The following LDB2 variants were observed in gnomAD, a reference collection of about 807,000 sequenced individuals.
LDB2 encodes LIM domain binding 2.
A neutral mutation model predicts 44.3 loss-of-function variants in LDB2; 12 were observed. That is an observed-to-expected ratio of 0.27 (90% confidence interval 0.17 to 0.44). LDB2 has a LOEUF of 0.44. Among genes scored for constraint, LDB2 ranks in the 20% least tolerant of loss-of-function variants. The pLI is 1.00. For missense variants in LDB2, 344 were observed against 473.5 expected (o/e 0.73, Z 2.54); for synonymous variants, 164 against 174.8 (o/e 0.94, Z 0.49).
intron 5 of LDB2, among the ~76,000 whole-genome samples, chr4:16,559,643 A>T (rs571752064): frequency 1.3e-5 from 2 of 152,190 alleles, no homozygotes; most frequent in Non-Finnish European, 2.9e-5. Flanking sequence ...CACTGTCAAC[A>T]TTAGACAGAT....
chr4:16,719,034 T>A (rs568893723), intron 2 of LDB2, among the ~76,000 whole-genome samples: 1 of 150,138 alleles, frequency 6.7e-6, no homozygotes, highest in East Asian at 2.0e-4. Flanking sequence ...AATAGGCATA[T>A]AAGAAGAAAC....
chr4:16,880,533 T>C (rs1719748682), intron 1 of LDB2, among the ~76,000 whole-genome samples: 1 of 152,198 alleles, frequency 6.6e-6, no homozygotes, highest in Admixed American at 6.5e-5. Flanking sequence ...TGCATGGTGC[T>C]TATAGTTAGT....
intron 2 of LDB2, among the ~76,000 whole-genome samples, chr4:16,742,428 G>T (rs926134806): frequency 6.6e-6 from 1 of 152,112 alleles, no homozygotes; most frequent in Non-Finnish European, 1.5e-5. Flanking sequence ...ACTCCAGCTG[G>T]TTTAATGTGT....
At chr4:16,505,713 A>G (rs1394600240) in intron 7 of LDB2, 4 of 788,156 alleles carry the variant, frequency 5.1e-6, no homozygotes, top group Non-Finnish European at 7.7e-6. Context: ...GAGCCATCTG[A>G]GAGAGGTCCA....
chr4:16,820,852 CTT>C (rs1781820425), intron 1 of LDB2, among the ~76,000 whole-genome samples: 1 of 152,142 alleles, frequency 6.6e-6, no homozygotes, highest in Non-Finnish European at 1.5e-5. Flanking sequence ...TTTAAAGTCA[CTT>C]TAGGACAAAG....
At chr4:16,550,024 A>G (rs1737105048) in intron 5 of LDB2, among the ~76,000 whole-genome samples, 1 of 152,176 alleles carries the variant, frequency 6.6e-6, no homozygotes, top group Non-Finnish European at 1.5e-5. Flanking sequence ...TTTGGTACCA[A>G]TTGAGTCTTC....
At chr4:16,556,720 G>A (rs1739741275) in intron 5 of LDB2, among the ~76,000 whole-genome samples, 1 of 152,154 alleles carries the variant, frequency 6.6e-6, no homozygotes, top group Non-Finnish European at 1.5e-5. Context: ...CTGACTCCAT[G>A]TAAATAAATA....
chr4:16,541,140 C>T lies in LDB2; in HGVS notation c.616-29036G>A, dbSNP rs1273306115. ...ATGTGAAATGGTTTGGATATATGTC[C>T]CCACCAAATCTCATGTTTAATTATA... is the stretch of plus-strand genomic sequence containing the variant. On this transcript the variant is annotated intron_variant, in intron 5 of 7. Transcript: ENST00000304523. Among the ~76,000 whole-genome samples the T allele has an allele frequency of 3.9e-5, 6 of 152,148 alleles. No individual in the cohort carries two copies. In the East Asian group the frequency reaches 1.2e-3, roughly 30 times the overall value.
Position 16,759,272 on chromosome 4 carries a change from C to G in LDB2, c.133-12G>C, listed in dbSNP as rs1489722306. The G allele has an allele frequency of 6.4e-7, 1 of 1,567,158 alleles. No individual in the cohort carries two copies. Among genetic ancestry groups the G allele is most frequent in the Admixed American group, 1.7e-5 (1 of 59,768 alleles). ...AGGTTGTCACTATCCTGCAAAGAGA[C>G]AGATCATTTATTTAACAAGGGAAAG... is the stretch of plus-strand genomic sequence containing the variant. On this transcript the variant is annotated splice_polypyrimidine_tract_variant and intron_variant, in intron 1 of 7. Coordinates refer to ENST00000304523, the MANE Select transcript of LDB2 (RefSeq NM_001290.5).
intron 2 of LDB2, among the ~76,000 whole-genome samples, chr4:16,659,659 A>C (rs1180128642): frequency 1.5e-5 from 2 of 136,290 alleles, no homozygotes; most frequent in African/African-American, 5.3e-5. Flanking sequence ...ACATATGAGT[A>C]TATCTATGTG....
chr4:16,854,918 A>G (rs970458419), intron 1 of LDB2, among the ~76,000 whole-genome samples: 1 of 151,984 alleles, frequency 6.6e-6, no homozygotes, highest in Non-Finnish European at 1.5e-5. Context: ...CAAGATTCAG[A>G]AAAAGGGTAG....
At chr4:16,637,726 A>G (rs898083010) in intron 2 of LDB2, among the ~76,000 whole-genome samples, 1 of 152,198 alleles carries the variant, frequency 6.6e-6, no homozygotes, top group Admixed American at 6.5e-5. Context: ...TGTGGCAGGG[A>G]CAACAGCAGG....
At chr4:16,722,526 T>C (rs1758492883) in intron 2 of LDB2, among the ~76,000 whole-genome samples, 1 of 152,178 alleles carries the variant, frequency 6.6e-6, no homozygotes, top group Non-Finnish European at 1.5e-5. Flanking sequence ...GAAATTCCAT[T>C]TGAATACATT....
chr4:16,673,661 C>A lies in LDB2; in HGVS notation c.236-77786G>T, dbSNP rs181303706. 2.0e-5 allele frequency among the ~76,000 whole-genome samples: 3 copies of A among 152,226 alleles called. No individual in the cohort carries two copies. In the East Asian group the frequency reaches 5.8e-4, roughly 29 times the overall value. On this transcript the variant is annotated intron_variant, in intron 2 of 7. Coordinates refer to ENST00000304523, the MANE Select transcript of LDB2 (RefSeq NM_001290.5). The stretch of plus-strand genomic sequence containing the variant: ...GGCATTTCTTTGGCCTCCCAGGGAA[C>A]AATTGGCAATGTCTAGAGACATTTT...
intron 1 of LDB2, among the ~76,000 whole-genome samples, chr4:16,877,036 T>C (rs932132774): frequency 6.6e-6 from 1 of 152,142 alleles, no homozygotes; most frequent in Non-Finnish European, 1.5e-5. Context: ...GACTCTCCAG[T>C]AGCTGGGATG....
chr4:16,655,922 T>C (rs1327570225), intron 2 of LDB2, among the ~76,000 whole-genome samples: 2 of 142,246 alleles, frequency 1.4e-5, no homozygotes, highest in Admixed American at 6.9e-5. Context: ...TTTTTTGAGA[T>C]GGAGTCTCGC....
In LDB2 at chr4:16,618,558, C is replaced by T. The variant is rs566855069; in HGVS notation, c.236-22683G>A. On this transcript the variant is annotated intron_variant, in intron 2 of 7. Coordinates refer to ENST00000304523, the MANE Select transcript of LDB2 (RefSeq NM_001290.5). The stretch of plus-strand genomic sequence containing the variant: ...GTGTACATACATACACATATCCACA[C>T]GCACATATACAGTTATTGACTGAAC... Among the ~76,000 whole-genome samples the T allele has an allele frequency of 1.8e-4, 28 of 152,214 alleles. 1 individual carries two copies. In the South Asian group the frequency reaches 3.7e-3, roughly 20 times the overall value.
At chr4:16,595,528 C>T (rs577263288) in intron 3 of LDB2, among the ~76,000 whole-genome samples, 175 bp downstream of exon 3, 1 of 152,210 alleles carries the variant, frequency 6.6e-6, no homozygotes, top group East Asian at 1.9e-4. Context: ...CATCTTAGAA[C>T]CGTGTTCACC....
At chr4:16,645,681 G>T (rs1490868284) in intron 2 of LDB2, among the ~76,000 whole-genome samples, 1 of 152,134 alleles carries the variant, frequency 6.6e-6, no homozygotes, top group Non-Finnish European at 1.5e-5. Flanking sequence ...GGTTAAGATA[G>T]GTATATTCAG....
Sources: allele counts gnomAD v4.1 joint callset (sites outside exome capture counted in the v4.1 genomes callset), GRCh38; gene constraint gnomAD v4.1.1; transcripts MANE v1.5; gene names NCBI Gene and HGNC (gene_info 2026-07-23, HGNC 2026-07-21).